Variants in RHBDD1 observed in about 807,000 individuals in gnomAD.
RHBDD1 encodes rhomboid domain containing 1.
In RHBDD1, 38 loss-of-function variants were observed where a neutral mutation model predicts 36.3. That is an observed-to-expected ratio of 1.05 (90% CI 0.81 to 1.37). The LOEUF (loss-of-function observed/expected upper bound fraction) is 1.37, where lower values mean the gene tolerates loss of function less well. Ranked by LOEUF, RHBDD1 falls within the 40% of genes most tolerant of loss-of-function variation. RHBDD1 has a pLI of 0.00. For missense variants in RHBDD1, 393 were observed against 377.6 expected (o/e 1.04, Z -0.34); for synonymous variants, 151 against 136.5 (o/e 1.11, Z -0.74).
At chr2:226,802,000 G>C in the RHBDD1 span, among the ~76,000 whole-genome samples, 6 of 151,860 alleles carry the variant, frequency 4.0e-5, no homozygotes, top group Non-Finnish European at 8.8e-5. Context: ...AAATGGCCCT[G>C]TCCCTACCTC....
chr2:226,924,841 A>G (rs1203234276), intron 8 of RHBDD1, among the ~76,000 whole-genome samples: 1 of 152,208 alleles, frequency 6.6e-6, no homozygotes, highest in East Asian at 1.9e-4. Context: ...CCCCAAGTAC[A>G]CAGATTCTCT....
At chr2:226,937,693 A>G (rs532199902) in intron 8 of RHBDD1, among the ~76,000 whole-genome samples, 42 of 152,198 alleles carry the variant, frequency 2.8e-4, no homozygotes, top group African/African-American at 1.0e-3. Flanking sequence ...AACATGCGGT[A>G]TTAAGTTTTC....
intron 8 of RHBDD1, among the ~76,000 whole-genome samples, chr2:226,917,142 T>G (rs552640521): frequency 2.0e-5 from 3 of 152,052 alleles, no homozygotes; most frequent in Admixed American, 2.0e-4. Context: ...TTTTCCTGTT[T>G]AACAGTAAAT....
At chr2:226,974,361 C>A (rs938741063) in intron 8 of RHBDD1, among the ~76,000 whole-genome samples, 1 of 152,064 alleles carries the variant, frequency 6.6e-6, no homozygotes, top group African/African-American at 2.4e-5. Flanking sequence ...CCTCAGCCTC[C>A]TGAGTAGCTG....
At chr2:226,861,720 CTG>C (rs368288677) in intron 3 of RHBDD1, among the ~76,000 whole-genome samples, 11 of 151,426 alleles carry the variant, frequency 7.3e-5, no homozygotes, top group South Asian at 2.1e-4. Flanking sequence ...ATAAATATTT[CTG>C]TGTGTGTGTG....
chr2:226,898,028 T>G lies in RHBDD1; in HGVS notation c.567-8765T>G, dbSNP rs536172993. ...CAACAAAACAAACAAAAACCAGCCC[T>G]GGCGGGAACTATTAAAAGTGAGATC... is the stretch of plus-strand genomic sequence containing the variant. On this transcript the variant is annotated intron_variant, in intron 5 of 8. Coordinates refer to ENST00000392062, the MANE Select transcript of RHBDD1 (RefSeq NM_001167608.3). Among the ~76,000 whole-genome samples, 6 of 152,224 alleles carry G rather than the reference T, an allele frequency of 3.9e-5. No homozygotes were observed. The East Asian group carries it at 9.6e-4, about 24-fold the overall frequency.
intron 5 of RHBDD1, among the ~76,000 whole-genome samples, chr2:226,885,817 C>T (rs1482564196): frequency 6.6e-6 from 1 of 152,082 alleles, no homozygotes; most frequent in Non-Finnish European, 1.5e-5. Context: ...GTTGAAGACT[C>T]CCAGTGGATG....
intron 3 of RHBDD1, among the ~76,000 whole-genome samples, chr2:226,858,581 C>T (rs529326544): frequency 6.6e-6 from 1 of 152,200 alleles, no homozygotes; most frequent in African/African-American, 2.4e-5. Context: ...TATATACTGC[C>T]TTAGTAAATG....
chr2:226,901,902 T>G (rs1947628202), intron 5 of RHBDD1, among the ~76,000 whole-genome samples: 1 of 152,186 alleles, frequency 6.6e-6, no homozygotes, highest in South Asian at 2.1e-4. Flanking sequence ...ATACATGTAT[T>G]TTATGTGTAA....
At position 226,844,255 on chromosome 2, in the gene RHBDD1, T is replaced by C. The variant is rs184074333; in HGVS notation, c.-91+4628T>C. Among the ~76,000 whole-genome samples the C allele has an allele frequency of 1.1e-4, 17 of 152,310 alleles. No homozygotes were observed. The East Asian group carries it at 3.1e-3, about 28-fold the overall frequency. On this transcript the variant is annotated intron_variant, in intron 3 of 8. Transcript: ENST00000392062. Reference sequence around the variant, plus strand: ...TATCACCTTGGATCAGTATTGGAAATGGCACCCTTGATTGATAGCTGCCCC... The same window carrying C: ...TATCACCTTGGATCAGTATTGGAAACGGCACCCTTGATTGATAGCTGCCCC...
chr2:226,864,484 A>G, intron 3 of RHBDD1, 120 bp from the exon 4 acceptor site: 1 of 558,572 alleles, frequency 1.8e-6, no homozygotes, highest in Non-Finnish European at 3.2e-6. Flanking sequence ...GTCGAACATA[A>G]ATATTTCTGT....
At chr2:226,902,484 A>G (rs528510373) in intron 5 of RHBDD1, among the ~76,000 whole-genome samples, 2 of 152,172 alleles carry the variant, frequency 1.3e-5, no homozygotes, top group Non-Finnish European at 2.9e-5. Context: ...GGATGTGGGT[A>G]TCTCTTAGAG....
intron 8 of RHBDD1, among the ~76,000 whole-genome samples, chr2:226,971,314 G>C (rs760230822): frequency 1.3e-4 from 20 of 152,206 alleles, no homozygotes; most frequent in Non-Finnish European, 2.5e-4. Flanking sequence ...TAACAAATAA[G>C]TGAAGTACAA....
chr2:226,985,232 C>T (rs1461222511), intron 8 of RHBDD1, among the ~76,000 whole-genome samples: 1 of 152,156 alleles, frequency 6.6e-6, no homozygotes, highest in African/African-American at 2.4e-5. Flanking sequence ...GTTAAACTAT[C>T]TACATTCATA....
chr2:226,864,703 A>G lies in RHBDD1; in HGVS notation c.10A>G (p.Arg4Gly). 1 of 1,613,342 alleles carries G rather than the reference A, an allele frequency of 6.2e-7. No individual in the cohort carries two copies. Among genetic ancestry groups the G allele is most frequent in the Non-Finnish European group, 8.5e-7 (1 of 1,179,520 alleles). MQRRSRGINTGLIL... is the reference protein window; with the variant it reads MQRGSRGINTGLIL... ...TCCCTGATATCTGGCCATGCAACGG[A>G]GATCAAGAGGGATAAATACTGGACT... The change falls in exon 4 of 9, where the codon AGA becomes GGA. Residue 4 changes from arginine to glycine, a missense_variant. Physicochemically the swap from Arg to Gly is moderately radical, Grantham distance 125. Coordinates refer to ENST00000392062, the MANE Select transcript of RHBDD1 (RefSeq NM_001167608.3).
chr2:226,971,042 C>G (rs1420385752), intron 8 of RHBDD1, among the ~76,000 whole-genome samples: 1 of 152,184 alleles, frequency 6.6e-6, no homozygotes, highest in Admixed American at 6.5e-5. Flanking sequence ...ATTTCGTAGA[C>G]ACTTAATTAA....
intron 3 of RHBDD1, among the ~76,000 whole-genome samples, chr2:226,847,479 C>G (rs1437711923): frequency 6.6e-6 from 1 of 152,142 alleles, no homozygotes; most frequent in East Asian, 1.9e-4. Flanking sequence ...CAAAAAGTAT[C>G]TGCTTTAGAT....
At chr2:226,809,928 T>A in the RHBDD1 span, among the ~76,000 whole-genome samples, 3 of 152,210 alleles carry the variant, frequency 2.0e-5, no homozygotes, top group Non-Finnish European at 4.4e-5. Context: ...AATACATCAA[T>A]ACCCAACAAT....
chr2:226,905,658 G>C (rs778389679), intron 5 of RHBDD1, among the ~76,000 whole-genome samples: 1 of 152,200 alleles, frequency 6.6e-6, no homozygotes, highest in Non-Finnish European at 1.5e-5. Context: ...GAGCTGGCTT[G>C]CAGGGAGACC....
Sources: allele counts gnomAD v4.1 joint callset (sites outside exome capture counted in the v4.1 genomes callset), GRCh38; gene constraint gnomAD v4.1.1; transcripts MANE v1.5; gene names NCBI Gene and HGNC (gene_info 2026-07-23, HGNC 2026-07-21).